Variants in AFG2A observed in about 807,000 individuals in gnomAD.
The protein encoded by AFG2A is AAA ATPase AFG2A.
chr4:123,161,863 A>T, the AFG2A span, among the ~76,000 whole-genome samples: 1 of 152,194 alleles, frequency 6.6e-6, no homozygotes. Context: ...ATGTATAAAG[A>T]AAAGTGTCTC....
chr4:123,042,898 T>G, the AFG2A span, among the ~76,000 whole-genome samples: 1 of 152,244 alleles, frequency 6.6e-6, no homozygotes, highest in East Asian at 1.9e-4. Context: ...TTAAAACTTT[T>G]AGTCAGTTAC....
At chr4:123,238,057 C>T in the AFG2A span, among the ~76,000 whole-genome samples, 1 of 152,208 alleles carries the variant, frequency 6.6e-6, no homozygotes, top group African/African-American at 2.4e-5. Context: ...CCAACACCCA[C>T]GGAGCCTTGC....
chr4:123,274,966 AG>A, the AFG2A span, among the ~76,000 whole-genome samples: 2 of 152,092 alleles, frequency 1.3e-5, no homozygotes, highest in Non-Finnish European at 2.9e-5. Flanking sequence ...TTGTTTTTTG[AG>A]TTGTACCCAT....
chr4:123,156,774 A>G, the AFG2A span, among the ~76,000 whole-genome samples: 49 of 150,780 alleles, frequency 3.2e-4, no homozygotes, highest in East Asian at 5.8e-4. Context: ...AAAAAAAAAA[A>G]AAGAAAAAAA....
the AFG2A span, among the ~76,000 whole-genome samples, chr4:122,992,409 A>C: frequency 6.6e-6 from 1 of 152,230 alleles, no homozygotes. Flanking sequence ...TCAGATAATA[A>C]AAATTTTCCT....
the AFG2A span, among the ~76,000 whole-genome samples, chr4:123,282,541 A>G: frequency 3.3e-5 from 5 of 152,324 alleles, no homozygotes; most frequent in South Asian, 4.1e-4. Flanking sequence ...CTCTGGAAGT[A>G]TCAATTCGTG....
the AFG2A span, among the ~76,000 whole-genome samples, chr4:123,268,155 TAGAC>T: frequency 8.9e-3 from 1,349 of 151,848 alleles, 23 homozygotes; most frequent in African/African-American, 0.03. Context: ...AAGCTAAAAA[TAGAC>T]AGTCTAAAAC....
the AFG2A span, among the ~76,000 whole-genome samples, chr4:123,115,538 G>T: frequency 2.0e-5 from 3 of 152,096 alleles, no homozygotes. Context: ...CAGCACCCCT[G>T]GGTCCAACTC....
At chr4:123,007,592 GTGTGTGTGTGTGTGTGTATA>G in the AFG2A span, among the ~76,000 whole-genome samples, 2,975 of 27,406 alleles carry the variant, frequency 0.11, 191 homozygotes, top group African/African-American at 0.36. Context: ...GTGTGTGTGT[GTGTGTGTGTGTGTGTGTATA>G]TATATATATA....
At chr4:123,262,082 G>A in the AFG2A span, among the ~76,000 whole-genome samples, 1 of 152,136 alleles carries the variant, frequency 6.6e-6, no homozygotes, top group Non-Finnish European at 1.5e-5. Flanking sequence ...GGCCTCTGTA[G>A]ATATTTTAAT....
chr4:123,298,433 G>T, the AFG2A span, among the ~76,000 whole-genome samples: 9 of 152,198 alleles, frequency 5.9e-5, no homozygotes, highest in Non-Finnish European at 1.3e-4. Flanking sequence ...TTTAAGTTCA[G>T]TTCGACCCAA....
chr4:123,212,321 A>G, the AFG2A span, among the ~76,000 whole-genome samples: 1 of 151,892 alleles, frequency 6.6e-6, no homozygotes, highest in East Asian at 1.9e-4. Flanking sequence ...GAAACCTTCT[A>G]CCTATTCACC....
the AFG2A span, among the ~76,000 whole-genome samples, chr4:123,239,723 ACATGC>A: frequency 6.6e-6 from 1 of 152,320 alleles, no homozygotes; most frequent in Admixed American, 6.5e-5. Flanking sequence ...CACTGCAAAA[ACATGC>A]CAAATTGTAA....
At chr4:123,309,700 A>G in the AFG2A span, among the ~76,000 whole-genome samples, 2 of 152,336 alleles carry the variant, frequency 1.3e-5, no homozygotes, top group Non-Finnish European at 2.9e-5. Context: ...TTTGAGTACC[A>G]ACATAACACA....
At chr4:123,313,776 T>C in the AFG2A span, 13 of 967,278 alleles carry the variant, frequency 1.3e-5, no homozygotes, top group Non-Finnish European at 1.7e-5. Flanking sequence ...ATTTTAGCAA[T>C]GGGCATTTAG....
At chr4:122,943,445 C>T in the AFG2A span, among the ~76,000 whole-genome samples, 5 of 152,208 alleles carry the variant, frequency 3.3e-5, no homozygotes, top group Non-Finnish European at 5.9e-5. Context: ...TTATCAGAGA[C>T]TAGGATTGCA....
chr4:122,965,608 C>T, the AFG2A span, among the ~76,000 whole-genome samples: 1 of 152,076 alleles, frequency 6.6e-6, no homozygotes, highest in African/African-American at 2.4e-5. Context: ...TTAGCCACAC[C>T]TCTTTTTTAT....
chr4:123,291,506 G>T, the AFG2A span, among the ~76,000 whole-genome samples: 1 of 152,150 alleles, frequency 6.6e-6, no homozygotes, highest in Non-Finnish European at 1.5e-5. Context: ...CTCTTGTAGG[G>T]CTGGTCAAGT....
chr4:123,099,698 C>G, the AFG2A span, among the ~76,000 whole-genome samples: 1 of 151,756 alleles, frequency 6.6e-6, no homozygotes, highest in African/African-American at 2.4e-5. Context: ...CTCTCTTAAT[C>G]TTTAATTTTT....
Sources: allele counts gnomAD v4.1 joint callset (sites outside exome capture counted in the v4.1 genomes callset), GRCh38; gene constraint gnomAD v4.1.1; transcripts MANE v1.5; gene names NCBI Gene and HGNC (gene_info 2026-07-23, HGNC 2026-07-21).